Variants in DNAJC30 observed in about 807,000 individuals in gnomAD.
DNAJC30 encodes the protein DnaJ heat shock protein family (Hsp40) member C30, also known as dnaJ homolog subfamily C member 30, mitochondrial.
DNAJC30 carries 16 observed loss-of-function variants against 15.4 expected under a neutral mutation model. The ratio of observed to expected loss-of-function variants is 1.04; its 90% CI spans 0.70 to 1.58. DNAJC30 has a LOEUF of 1.58. DNAJC30 is among the 40% of genes most tolerant of loss of function. The probability of loss-of-function intolerance (pLI) is 0.00; values close to 1 mark genes in which losing one functional copy is unlikely to be tolerated. For synonymous variants in DNAJC30, 161 were observed against 140.2 expected, an observed-to-expected ratio of 1.15 and a Z score of -1.05; for missense variants, 352 against 320.9, an observed-to-expected ratio of 1.10 and a Z score of -0.74.
At position 73,683,060 on chromosome 7, in the gene DNAJC30, C is replaced by G. The variant is rs782324701; in HGVS notation, c.364G>C (p.Gly122Arg). 1 of 1,597,876 alleles carries G rather than the reference C, an allele frequency of 6.3e-7. No individual in the cohort carries two copies. Among genetic ancestry groups the G allele is most frequent in the East Asian group, 2.2e-5 (1 of 44,560 alleles). ...RGLLSDEDLR[G>R]PGVRPSRTPA... The stretch of plus-strand genomic sequence containing the variant: ...GTCCTGGAGGGCCGGACGCCAGGTC[C>G]GCGCAGGTCCTCGTCGCTGAGTAGG... The change falls in exon 1 of 1, where the codon GGA becomes CGA. Residue 122 changes from glycine (G) to arginine (R), a missense_variant. Gly to Arg is a moderately radical substitution (Grantham distance 125). Transcript: ENST00000395176.
chr7:73,682,890 C>T lies in DNAJC30; in HGVS notation c.534G>A (p.Arg178=), dbSNP rs1173050927. The T allele has an allele frequency of 7.4e-6, 12 of 1,613,974 alleles. No individual in the cohort carries two copies. The highest frequency in any genetic ancestry group is 1.0e-5 in the Non-Finnish European group (12 of 1,180,032). Residue 178 remains arginine, a synonymous_variant, in exon 1 of 1, where the codon CGG becomes CGA. Transcript: ENST00000395176. ...YQAHYGEQLE[R]ERRLRARREA... is the part of the protein sequence containing the mutation. ...CCCGCCGGGCCCTCAGGCGCCGTTC[C>T]CGCTCCAGTTGTTCCCCGTAGTGGG... is the stretch of plus-strand genomic sequence containing the variant.
chr7:73,681,587 G>A lies in DNAJC30; in HGVS notation c.*1156C>T, dbSNP rs1307836504. 1 of 152,260 alleles carries A rather than the reference G, an allele frequency of 6.6e-6. No homozygotes were observed. The allele number at this position is 152,260 out of a possible 1,614,324, so 9.4% of individuals were successfully genotyped here. A position where few individuals can be genotyped will look rare whatever the true frequency, so the allele number is the denominator to read the frequency against. ...CTGGCTGGTAAAGGGAGGACCAGGT[G>A]ACAGCCAGCCACACTGTCTCAAGGA... is the stretch of plus-strand genomic sequence containing the variant. On this transcript the variant is annotated 3_prime_UTR_variant, in exon 1 of 1. Transcript: ENST00000395176.
chr7:73,683,376 C>T lies in DNAJC30; in HGVS notation c.48G>A (p.Arg16=). 1.9e-6 allele frequency: 3 copies of T among 1,613,014 alleles called. No homozygotes were observed. The highest frequency in any genetic ancestry group is 2.5e-6 in the Non-Finnish European group (3 of 1,179,938). The stretch of plus-strand genomic sequence containing the variant: ...GTGGAAAGCCACGGGCCTGCAGCAA[C>T]CTCCAAGGTAACAGCCGCTGCCACC... ...WRWWQRLLPW[R]LLQARGFPQN... The change falls in exon 1 of 1, where the codon AGG becomes AGA. Residue 16 remains arginine (R), a synonymous_variant. Coordinates refer to ENST00000395176, the MANE Select transcript of DNAJC30 (RefSeq NM_032317.3).
At position 73,683,275 on chromosome 7, in the gene DNAJC30, A is replaced by G. The variant is rs374961753; in HGVS notation, c.149T>C (p.Leu50Pro). The change falls in exon 1 of 1, where the codon CTG becomes CCG. Residue 50 changes from leucine to proline, a missense_variant. Coordinates refer to ENST00000395176, the MANE Select transcript of DNAJC30 (RefSeq NM_032317.3). ...GGAGGGGACGCCGAGCAGATCATACAGCGCCGTGCGCGAATACGAGCAGTC... is the reference window on the plus strand; with the variant it reads ...GGAGGGGACGCCGAGCAGATCATACGGCGCCGTGCGCGAATACGAGCAGTC... ...QGDCSYSRTALYDLLGVPSTA... is the reference protein window; with the variant it reads ...QGDCSYSRTAPYDLLGVPSTA... The G allele has an allele frequency of 1.9e-6, 3 of 1,613,982 alleles. No homozygotes were observed. In the African/African-American group the frequency reaches 4.0e-5, roughly 22 times the overall value.
Position 73,683,009 on chromosome 7 carries a change from G to C in DNAJC30, c.415C>G (p.Arg139Gly). The change falls in exon 1 of 1, where the codon CGT (arginine) becomes GGT (glycine). Residue 139 changes from arginine to glycine, a missense_variant. By Grantham distance (125) the Arg-to-Gly change is moderately radical. Coordinates refer to ENST00000395176, the MANE Select transcript of DNAJC30 (RefSeq NM_032317.3). ...RTPAPDPGSP[R>G]TPPPTSRTHD... Reference sequence around the variant, plus strand: ...GTCCGAGAGGTGGGCGGCGGGGTACGCGGCGAGCCGGGGTCGGGTGCGGGC... The same window carrying C: ...GTCCGAGAGGTGGGCGGCGGGGTACCCGGCGAGCCGGGGTCGGGTGCGGGC... 1 of 1,589,782 alleles carries C rather than the reference G, an allele frequency of 6.3e-7. No homozygotes were observed. Among genetic ancestry groups the C allele is most frequent in the Non-Finnish European group, 8.6e-7 (1 of 1,165,888 alleles).
In DNAJC30 at chr7:73,682,037, C is replaced by T. The variant is rs573560468; in HGVS notation, c.*706G>A. On this transcript the variant is annotated 3_prime_UTR_variant, in exon 1 of 1. Coordinates refer to ENST00000395176, the MANE Select transcript of DNAJC30 (RefSeq NM_032317.3). ...ACCTCAAGATGCCAAATGATTTTCT[C>T]CTCTGCTGTCATGCCTACAGAGTAA... is the stretch of plus-strand genomic sequence containing the variant. 1 of 152,472 alleles carries T rather than the reference C, an allele frequency of 6.6e-6. No individual in the cohort carries two copies. The highest frequency in any genetic ancestry group is 2.1e-4 in the South Asian group (1 of 4,850). The allele number at this position is 152,472 out of a possible 1,614,324, so 9.4% of individuals were successfully genotyped here.
At position 73,681,877 on chromosome 7, in the gene DNAJC30, C is replaced by G. The variant is rs1158016964; in HGVS notation, c.*866G>C. ...GCTGAGGCAGGAGAATCGCTTGAAC[C>G]CGGGAGGTGGAGGTTGCAGTGAGCT... On this transcript the variant is annotated 3_prime_UTR_variant, in exon 1 of 1. Coordinates refer to ENST00000395176, the MANE Select transcript of DNAJC30 (RefSeq NM_032317.3). The G allele has an allele frequency of 1.3e-5, 2 of 152,554 alleles. No individual in the cohort carries two copies. The highest frequency in any genetic ancestry group is 1.9e-4 in the East Asian group (1 of 5,212). The allele number at this position is 152,554 out of a possible 1,614,324, so 9.5% of individuals were successfully genotyped here.
In DNAJC30 at chr7:73,683,413, A is replaced by G. The variant is rs199776631; in HGVS notation, c.11T>C (p.Met4Thr). 80 of 1,610,660 alleles carry G rather than the reference A, an allele frequency of 5.0e-5. 1 individual carries two copies. The East Asian group carries it at 1.3e-3, about 27-fold the overall frequency. Reference sequence around the variant, plus strand: ...CAGCCGCTGCCACCATCGCCAGCGCATGGCTGCCATGTTGAATTGATTCGG... The same window carrying G: ...CAGCCGCTGCCACCATCGCCAGCGCGTGGCTGCCATGTTGAATTGATTCGG... MAA[M>T]RWRWWQRLLP... Residue 4 changes from methionine to threonine, a missense_variant, in exon 1 of 1, where the codon ATG (methionine) becomes ACG (threonine). Transcript: ENST00000395176.
In DNAJC30 at chr7:73,683,018, C is replaced by T; in HGVS notation, c.406G>A (p.Gly136Ser). ...RPSRTPAPDP[G>S]SPRTPPPTSR... ...GTGGGCGGCGGGGTACGCGGCGAGC[C>T]GGGGTCGGGTGCGGGCGTCCTGGAG... is the stretch of plus-strand genomic sequence containing the variant. Residue 136 changes from glycine to serine, a missense_variant, in exon 1 of 1, where the codon GGC becomes AGC. By Grantham distance (56) the Gly-to-Ser change is moderately conservative. Transcript: ENST00000395176. The T allele has an allele frequency of 6.3e-7, 1 of 1,588,146 alleles. No homozygotes were observed. The highest frequency in any genetic ancestry group is 8.6e-7 in the Non-Finnish European group (1 of 1,165,178).
At position 73,683,400 on chromosome 7, in the gene DNAJC30, C is replaced by T. The variant is rs782182218; in HGVS notation, c.24G>A (p.Trp8Ter). 10 of 1,612,112 alleles carry T rather than the reference C, an allele frequency of 6.2e-6. No homozygotes were observed. The Admixed American group carries it at 1.5e-4, about 24-fold the overall frequency. ...ACCTCCAAGGTAACAGCCGCTGCCA[C>T]CATCGCCAGCGCATGGCTGCCATGT... MAAMRWR[W>*]WQRLLPWRLL... The change falls in exon 1 of 1, where the codon TGG becomes TGA. Residue 8 changes from tryptophan to a stop codon, truncating the protein, a stop_gained. Coordinates refer to ENST00000395176, the MANE Select transcript of DNAJC30 (RefSeq NM_032317.3). LOFTEE classifies it high-confidence loss of function.
chr7:73,683,073 GT>G lies in DNAJC30; in HGVS notation c.350del (p.Asp117AlafsTer66). ...RRKYDRGLLS[D>X]EDLRGPGVRP... ...GGACGCCAGGTCCGCGCAGGTCCTCGTCGCTGAGTAGGCCGCGATCATACTT... is the reference window on the plus strand; with the variant it reads ...GGACGCCAGGTCCGCGCAGGTCCTCGCGCTGAGTAGGCCGCGATCATACTT... On this transcript the variant is annotated frameshift_variant, in exon 1 of 1. Coordinates refer to ENST00000395176, the MANE Select transcript of DNAJC30 (RefSeq NM_032317.3). LOFTEE classifies it high-confidence loss of function. 2 of 1,603,454 alleles carry G rather than the reference GT, an allele frequency of 1.2e-6. No homozygotes were observed. Among genetic ancestry groups the G allele is most frequent in the Non-Finnish European group, 1.7e-6 (2 of 1,172,712 alleles).
Position 73,682,681 on chromosome 7 carries a change from C to G in DNAJC30, c.*62G>C. On this transcript the variant is annotated 3_prime_UTR_variant, in exon 1 of 1. Coordinates refer to ENST00000395176, the MANE Select transcript of DNAJC30 (RefSeq NM_032317.3). ...CTATCAATGGCCAAGGGTTCAGAGG[C>G]AGGAAAAAAGGCCGTTTCTGGGGGG... is the stretch of plus-strand genomic sequence containing the variant. The G allele has an allele frequency of 6.5e-7, 1 of 1,536,228 alleles. No homozygotes were observed. The highest frequency in any genetic ancestry group is 8.8e-7 in the Non-Finnish European group (1 of 1,141,494).
chr7:73,682,876 C>T lies in DNAJC30; in HGVS notation c.548G>A (p.Arg183Lys). 5.0e-6 allele frequency: 8 copies of T among 1,614,116 alleles called. No homozygotes were observed. Among genetic ancestry groups the T allele is most frequent in the Non-Finnish European group, 6.8e-6 (8 of 1,180,040 alleles). The change falls in exon 1 of 1, where the codon AGG (arginine) becomes AAG (lysine). Residue 183 changes from arginine to lysine, a missense_variant. Coordinates refer to ENST00000395176, the MANE Select transcript of DNAJC30 (RefSeq NM_032317.3). ...GEQLERERRL[R>K]ARREALRKRQ... ...TTTGCGAAGGGCCTCCCGCCGGGCC[C>T]TCAGGCGCCGTTCCCGCTCCAGTTG...
In DNAJC30 at chr7:73,682,627, C is replaced by G; in HGVS notation, c.*116G>C. 7.7e-7 allele frequency: 1 copy of G among 1,301,276 alleles called. No homozygotes were observed. Among genetic ancestry groups the G allele is most frequent in the South Asian group, 1.5e-5 (1 of 65,576 alleles). 80.6% of individuals were successfully genotyped at this position (1,301,276 alleles called of 1,614,324 possible). On this transcript the variant is annotated 3_prime_UTR_variant, in exon 1 of 1. Transcript: ENST00000395176. ...CGGGTCGGGGAGGGCAGGGGGAGTA[C>G]AGTTCCTTCGGATCCCAGCAAAGGT...
rs1250102639 is a variant in DNAJC30 at position 73,682,234 on chromosome 7, T to C, written c.*509A>G. On this transcript the variant is annotated 3_prime_UTR_variant, in exon 1 of 1. Transcript: ENST00000395176. ...GATCCCATTCTTACCCTGGACCAGG[T>C]CTCACCTGCGGCTTGGGGAAGTCAC... 2.0e-5 allele frequency: 3 copies of C among 153,248 alleles called. No individual in the cohort carries two copies. The highest frequency in any genetic ancestry group is 4.4e-5 in the Non-Finnish European group (3 of 68,510). 9.5% of individuals were successfully genotyped at this position (153,248 alleles called of 1,614,324 possible).
Position 73,682,079 on chromosome 7 carries a change from C to T in DNAJC30, c.*664G>A, listed in dbSNP as rs1181457090. On this transcript the variant is annotated 3_prime_UTR_variant, in exon 1 of 1. Transcript: ENST00000395176. The stretch of plus-strand genomic sequence containing the variant: ...ACAGAGTAACTTCTCCAAGGTCACA[C>T]ATTAAATATGGGCACAGGAACACTC... The T allele has an allele frequency of 1.3e-5, 2 of 152,412 alleles. No homozygotes were observed. Among genetic ancestry groups the T allele is most frequent in the African/African-American group, 4.8e-5 (2 of 41,470 alleles). The allele number at this position is 152,412 out of a possible 1,614,324, so 9.4% of individuals were successfully genotyped here.
chr7:73,683,060 C>A lies in DNAJC30; in HGVS notation c.364G>T (p.Gly122Ter). 6.3e-7 allele frequency: 1 copy of A among 1,597,876 alleles called. No individual in the cohort carries two copies. Among genetic ancestry groups the A allele is most frequent in the Non-Finnish European group, 8.5e-7 (1 of 1,169,840 alleles). Residue 122 changes from glycine to a stop codon, truncating the protein, a stop_gained, in exon 1 of 1, where the codon GGA becomes TGA. Coordinates refer to ENST00000395176, the MANE Select transcript of DNAJC30 (RefSeq NM_032317.3). LOFTEE classifies it high-confidence loss of function. ...RGLLSDEDLR[G>*]PGVRPSRTPA... ...GTCCTGGAGGGCCGGACGCCAGGTC[C>A]GCGCAGGTCCTCGTCGCTGAGTAGG... is the stretch of plus-strand genomic sequence containing the variant.
Position 73,682,801 on chromosome 7 carries a change from T to C in DNAJC30, c.623A>G (p.Asp208Gly). Residue 208 changes from aspartate to glycine, a missense_variant, in exon 1 of 1, where the codon GAC (aspartate) becomes GGC (glycine). Asp to Gly is a moderately conservative substitution (Grantham distance 94, BLOSUM62 -1). Coordinates refer to ENST00000395176, the MANE Select transcript of DNAJC30 (RefSeq NM_032317.3). ...MKGLRWEDTRDTAAIFLIFSI... is the reference protein window; with the variant it reads ...MKGLRWEDTRGTAAIFLIFSI... The stretch of plus-strand genomic sequence containing the variant: ...AAAGATGAGGAAAATGGCAGCCGTG[T>C]CTCGGGTATCCTCCCAGCGGAGGCC... The C allele has an allele frequency of 6.2e-7, 1 of 1,613,222 alleles. No individual in the cohort carries two copies. Among genetic ancestry groups the C allele is most frequent in the Non-Finnish European group, 8.5e-7 (1 of 1,179,454 alleles).
In DNAJC30 at chr7:73,682,812, C is replaced by G. The variant is rs370444492; in HGVS notation, c.612G>C (p.Glu204Asp). 34 of 1,613,924 alleles carry G rather than the reference C, an allele frequency of 2.1e-5. No homozygotes were observed. The highest frequency in any genetic ancestry group is 2.8e-5 in the Non-Finnish European group (33 of 1,179,882). The change falls in exon 1 of 1, where the codon GAG becomes GAC. Residue 204 changes from glutamate (E) to aspartate (D), a missense_variant. Physicochemically the swap from Glu to Asp is conservative, Grantham distance 45. Coordinates refer to ENST00000395176, the MANE Select transcript of DNAJC30 (RefSeq NM_032317.3). ...EYRSMKGLRWEDTRDTAAIFL... is the reference protein window; with the variant it reads ...EYRSMKGLRWDDTRDTAAIFL... The stretch of plus-strand genomic sequence containing the variant: ...AAATGGCAGCCGTGTCTCGGGTATC[C>G]TCCCAGCGGAGGCCTTTCATGGACC...
Sources: allele counts gnomAD v4.1 joint callset, GRCh38; gene constraint gnomAD v4.1.1; transcripts MANE v1.5; gene names NCBI Gene and HGNC (gene_info 2026-07-23, HGNC 2026-07-21).